Variants in LUC7L2 observed in about 807,000 individuals in gnomAD.
LUC7L2 encodes putative RNA-binding protein Luc7-like 2.
In LUC7L2, 25 loss-of-function variants were observed where a neutral mutation model predicts 52.8. That is an observed-to-expected ratio of 0.47 (90% CI 0.34 to 0.66). The LOEUF (loss-of-function observed/expected upper bound fraction) is 0.66, where lower values mean the gene tolerates loss of function less well. Ranked by LOEUF, LUC7L2 falls within the 30% of genes least tolerant of loss-of-function variation. LUC7L2 has a pLI of 0.01. For missense variants in LUC7L2, 328 were observed against 497.8 expected (o/e 0.66, Z 3.25); for synonymous variants, 144 against 160.9 (o/e 0.89, Z 0.80).
intron 1 of LUC7L2, among the ~76,000 whole-genome samples, chr7:139,344,695 CTTTTTTTTTTTTT>C (rs1026301999): frequency 8.6e-6 from 1 of 116,362 alleles, no homozygotes; most frequent in Non-Finnish European, 1.8e-5. Context: ...AATTTTCTTT[CTTTTTTTTTTTTT>C]TTTTTTTTTG....
At chr7:139,385,510 A>G (rs1464217693) in intron 2 of LUC7L2, among the ~76,000 whole-genome samples, 1 of 151,774 alleles carries the variant, frequency 6.6e-6, no homozygotes, top group Non-Finnish European at 1.5e-5. Context: ...CTGTAGAGAG[A>G]GACTCTCGCC....
At chr7:139,412,217 TA>T (rs374245116) in intron 7 of LUC7L2, among the ~76,000 whole-genome samples, 114 of 124,714 alleles carry the variant, frequency 9.1e-4, no homozygotes, top group East Asian at 1.1e-3. Context: ...ATGTAAAAAT[TA>T]AAAAAAAAAA....
chr7:139,364,617 A>G (rs1800054216), intron 1 of LUC7L2, among the ~76,000 whole-genome samples: 1 of 152,202 alleles, frequency 6.6e-6, no homozygotes, highest in South Asian at 2.1e-4. Context: ...CTGAAAGGAT[A>G]CTCATCCTCA....
intron 7 of LUC7L2, among the ~76,000 whole-genome samples, chr7:139,411,689 C>T (rs1422420522): frequency 2.0e-5 from 3 of 152,076 alleles, no homozygotes; most frequent in South Asian, 2.1e-4. Context: ...TTTCATTGAG[C>T]GTTACCTGTG....
intron 2 of LUC7L2, among the ~76,000 whole-genome samples, chr7:139,377,245 C>T (rs890050728): frequency 1.3e-5 from 2 of 152,028 alleles, no homozygotes; most frequent in Non-Finnish European, 2.9e-5. Context: ...GCTCTGTCAC[C>T]CAGGCTTGGC....
chr7:139,395,494 A>G (rs1406767840), intron 2 of LUC7L2, among the ~76,000 whole-genome samples: 1 of 152,194 alleles, frequency 6.6e-6, no homozygotes, highest in African/African-American at 2.4e-5. Flanking sequence ...GTACTTTAAT[A>G]CCATTAAGCA....
At chr7:139,397,907 C>T (rs1284751279) in intron 2 of LUC7L2, among the ~76,000 whole-genome samples, 2 of 152,174 alleles carry the variant, frequency 1.3e-5, no homozygotes, top group Admixed American at 6.5e-5. Flanking sequence ...TCTCTGTGCA[C>T]TTATGTTGGG....
intron 3 of LUC7L2, among the ~76,000 whole-genome samples, chr7:139,399,741 T>C (rs1201481789): frequency 6.6e-6 from 1 of 152,002 alleles, no homozygotes; most frequent in Non-Finnish European, 1.5e-5. Context: ...AGTGTTGGGA[T>C]TACAGGCGTG....
chr7:139,359,867 A>G (rs1005815378), upstream of LUC7L2: 2 of 408,916 alleles, frequency 4.9e-6, no homozygotes, highest in East Asian at 3.6e-5. Flanking sequence ...CCCCCGCGGG[A>G]AACGACTGAG....
intron 2 of LUC7L2, among the ~76,000 whole-genome samples, chr7:139,381,043 C>G (rs1461626074): frequency 6.6e-6 from 1 of 152,132 alleles, no homozygotes; most frequent in Non-Finnish European, 1.5e-5. Context: ...TAGCCCTCAT[C>G]ATAGCGTAAC....
intron 1 of LUC7L2, chr7:139,340,531 C>T (rs1798882566): frequency 5.0e-6 from 2 of 398,366 alleles, no homozygotes; most frequent in Admixed American, 4.4e-5. Flanking sequence ...AAGCCTTTGG[C>T]GCGGTGATGT....
At chr7:139,389,540 C>T (rs1211460016) in intron 2 of LUC7L2, among the ~76,000 whole-genome samples, 2 of 152,138 alleles carry the variant, frequency 1.3e-5, no homozygotes, top group Non-Finnish European at 1.5e-5. Context: ...AAATTATCTT[C>T]ACTTGTCCTA....
chr7:139,362,170 G>A (rs1799920063), intron 1 of LUC7L2, among the ~76,000 whole-genome samples: 1 of 151,916 alleles, frequency 6.6e-6, no homozygotes, highest in South Asian at 2.1e-4. Flanking sequence ...CGAGTCCACA[G>A]TATTGTTTAG....
chr7:139,408,086 C>A (rs1795198112), intron 6 of LUC7L2, among the ~76,000 whole-genome samples: 1 of 152,052 alleles, frequency 6.6e-6, no homozygotes, highest in Non-Finnish European at 1.5e-5. Context: ...TAGTCATTTT[C>A]TTTGTAACTG....
rs1015839781 is a variant in LUC7L2 at position 139,400,477 on chromosome 7, A to G, written c.256-1660A>G. ...AGCCTAGATCATGCCACTGTGCTCC[A>G]GCTTGGGGGACAGAGCGAGACTCTG... On this transcript the variant is annotated intron_variant, in intron 3 of 9. Transcript: ENST00000354926. Among the ~76,000 whole-genome samples, 6 of 152,334 alleles carry G rather than the reference A, an allele frequency of 3.9e-5. No homozygotes were observed. The South Asian group carries it at 1.2e-3, about 32-fold the overall frequency.
chr7:139,407,980 ATT>A (rs892526178), intron 6 of LUC7L2, among the ~76,000 whole-genome samples: 24 of 152,260 alleles, frequency 1.6e-4, no homozygotes, highest in African/African-American at 4.6e-4. Flanking sequence ...GATATAATCT[ATT>A]TACCTTTTAA....
rs1795961092 is a variant in LUC7L2 at position 139,422,911 on chromosome 7, C to T, written c.*571C>T. ...TACTGGGGTTTTTTGTTTAATGGTG[C>T]CTATTTAGAGTTGGAAGTTGAACAG... On this transcript the variant is annotated 3_prime_UTR_variant, in exon 10 of 10. Transcript: ENST00000354926. 5.0e-6 allele frequency: 2 copies of T among 398,616 alleles called. No individual in the cohort carries two copies. The highest frequency in any genetic ancestry group is 4.4e-5 in the Admixed American group (1 of 22,668). 24.7% of individuals were successfully genotyped at this position (398,616 alleles called of 1,614,324 possible).
intron 2 of LUC7L2, among the ~76,000 whole-genome samples, chr7:139,378,514 C>T (rs1402272921): frequency 6.6e-6 from 1 of 151,986 alleles, no homozygotes; most frequent in Non-Finnish European, 1.5e-5. Flanking sequence ...TTCAAGACTT[C>T]AAGTGAGCTG....
intron 2 of LUC7L2, among the ~76,000 whole-genome samples, chr7:139,398,014 T>A (rs1427198753): frequency 6.6e-6 from 1 of 152,092 alleles, no homozygotes; most frequent in Non-Finnish European, 1.5e-5. Flanking sequence ...TGTGGGTTTT[T>A]AAAAATTTTT....
Sources: gnomAD v4.1 joint callset for allele counts (sites outside exome capture counted in the v4.1 genomes callset) on GRCh38, gnomAD v4.1.1 for gene constraint, MANE v1.5 for transcripts, NCBI Gene and HGNC (gene_info 2026-07-23, HGNC 2026-07-21) for gene names.